The following BTNL2 variants were observed in gnomAD, a reference collection of about 807,000 sequenced individuals.
The protein encoded by BTNL2 is butyrophilin like 2, also known as butyrophilin-like protein 2.
BTNL2 carries 46 observed loss-of-function variants against 46.8 expected under a neutral mutation model. The ratio of observed to expected loss-of-function variants is 0.98; its 90% CI spans 0.78 to 1.26. The LOEUF is 1.26. BTNL2 is among the 50% of genes most tolerant of loss of function. The pLI is 0.00. For synonymous variants in BTNL2, 226 were observed against 229.1 expected (o/e 0.99, Z 0.12); for missense variants, 461 against 592.6 (o/e 0.78, Z 2.31).
In BTNL2 at chr6:32,393,457, G is replaced by T. The variant is rs1776245612; in HGVS notation, c.*7-68C>A. The T allele has an allele frequency of 6.5e-6, 1 of 152,752 alleles. No individual in the cohort carries two copies. Among genetic ancestry groups the T allele is most frequent in the Non-Finnish European group, 1.5e-5 (1 of 68,218 alleles). 9.5% of individuals were successfully genotyped at this position (152,752 alleles called of 1,614,324 possible). On this transcript the variant is annotated intron_variant, in intron 7 of 7. Transcript: ENST00000454136. The surrounding 1 kb of genome is among the most constrained non-coding windows in gnomAD (Gnocchi z 4.8). ...TTTCATTCTATTAACAGCCAAACAG[G>T]AAGACAAGTGTTTCACGGACATAAG...
At position 32,405,218 on chromosome 6, in the gene BTNL2, A is replaced by G. The variant is rs150942326; in HGVS notation, c.148T>C (p.Cys50Arg). 640 of 1,613,036 alleles carry G rather than the reference A, an allele frequency of 4.0e-4. 1 individual carries two copies. The African/African-American group carries it at 7.7e-3, about 20-fold the overall frequency. ...GTGGTCCTCTTGGGGAGTAGCTGGC[A>G]GGTTAACAGGGCATCTTCCCCAACC... Reference protein sequence around the residue: ...AGVGEDALLTCQLLPKRTTMH... With the variant: ...AGVGEDALLTRQLLPKRTTMH... Residue 50 changes from cysteine (C) to arginine (R), a missense_variant, in exon 2 of 8, where the codon TGC (cysteine) becomes CGC (arginine). Physicochemically the swap from Cys to Arg is radical, Grantham distance 180. Transcript: ENST00000454136.
chr6:32,395,988 A>T, intron 5 of BTNL2, 51 bp downstream of exon 5: 1 of 1,410,290 alleles, frequency 7.1e-7, no homozygotes, highest in Non-Finnish European at 9.8e-7. Context: ...CTAGCATATT[A>T]AAGTGGCAGG....
Position 32,394,696 on chromosome 6 carries a change from T to C in BTNL2, c.1360+48A>G. The C allele has an allele frequency of 1.3e-6, 2 of 1,560,852 alleles. No homozygotes were observed. The highest frequency in any genetic ancestry group is 1.7e-6 in the Non-Finnish European group (2 of 1,145,992). On this transcript the variant is annotated intron_variant, in intron 6 of 7. Coordinates refer to ENST00000454136, the MANE Select transcript of BTNL2 (RefSeq NM_001304561.2). This position sits in a 1 kb window ranked among gnomAD's most constrained non-coding sequence, Gnocchi z 4.6. Reference sequence around the variant, plus strand: ...AATACAATGAGTAAGTCTGAGTTGGTCTTCATATTTATTTTCCAAACCTGA... The same window carrying C: ...AATACAATGAGTAAGTCTGAGTTGGCCTTCATATTTATTTTCCAAACCTGA...
chr6:32,405,424 C>A, intron 1 of BTNL2, 138 bp from the exon 2 acceptor site: 1 of 872,286 alleles, frequency 1.1e-6, no homozygotes, highest in Non-Finnish European at 1.8e-6. Context: ...AGAAATCCAG[C>A]ATGATGATTT....
At position 32,395,075 on chromosome 6, in the gene BTNL2, T is replaced by C. The variant is rs923488782; in HGVS notation, c.1079-50A>G. ...CCTGGGGTCCTTTCAAGTGGATGAG[T>C]GGGCAGCAATTTCACTGGGAGGAAA... On this transcript the variant is annotated intron_variant, in intron 5 of 7. Transcript: ENST00000454136. 6 of 1,505,034 alleles carry C rather than the reference T, an allele frequency of 4.0e-6. No homozygotes were observed. The African/African-American group carries it at 5.6e-5, about 14-fold the overall frequency. 93.2% of individuals were successfully genotyped at this position (1,505,034 alleles called of 1,614,324 possible). A position where few individuals can be genotyped will look rare whatever the true frequency, so the allele number is the denominator to read the frequency against.
At position 32,399,854 on chromosome 6, in the gene BTNL2, G is replaced by A. The variant is rs117182873; in HGVS notation, c.730+1931C>T. On this transcript the variant is annotated intron_variant, in intron 4 of 7. Coordinates refer to ENST00000454136, the MANE Select transcript of BTNL2 (RefSeq NM_001304561.2). The surrounding 1 kb of genome is among the most constrained non-coding windows in gnomAD (Gnocchi z 5.2). ...ATTTCAGTCTTAGGACTTCCATAGA[G>A]AGCTGGGTGTCCCATCATTAGAGCT... is the stretch of plus-strand genomic sequence containing the variant. Among the ~76,000 whole-genome samples the A allele has an allele frequency of 0.018, 2,664 of 152,208 alleles. 75 individuals carry two copies. Among genetic ancestry groups the A allele is most frequent in the East Asian group, 0.11 (563 of 5,178 alleles).
At chr6:32,404,627 T>C (rs1777000766) in intron 2 of BTNL2, among the ~76,000 whole-genome samples, 2 of 152,210 alleles carry the variant, frequency 1.3e-5, no homozygotes, top group Admixed American at 1.3e-4. Flanking sequence ...CATGCAGCAA[T>C]TGGTTTGCTC....
chr6:32,402,989 A>G lies in BTNL2; in HGVS notation c.655T>C (p.Leu219=). The G allele has an allele frequency of 6.2e-7, 1 of 1,613,062 alleles. No individual in the cohort carries two copies. Among genetic ancestry groups the G allele is most frequent in the Non-Finnish European group, 8.5e-7 (1 of 1,180,026 alleles). The part of the protein sequence containing the change: ...RNASAESVSC[L]VHNPVLTEEK... ...TCAGTGAGGACGGGGTTGTGGACCA[A>G]GCAGGACACAGACTCTGCAGAGGCG... is the stretch of plus-strand genomic sequence containing the variant. The change falls in exon 3 of 8, where the codon TTG becomes CTG. Residue 219 remains leucine, a synonymous_variant. Transcript: ENST00000454136.
rs556453071 is a variant in BTNL2 at position 32,405,370 on chromosome 6, T to G, written c.80-84A>C. ...CTTTGGGGTGTCCAGCCTGTCAAAA[T>G]GGAGGCAACTAGAAGAGGGAGAGAT... On this transcript the variant is annotated intron_variant, in intron 1 of 7. Coordinates refer to ENST00000454136, the MANE Select transcript of BTNL2 (RefSeq NM_001304561.2). The G allele has an allele frequency of 1.2e-4, 146 of 1,225,288 alleles. No individual in the cohort carries two copies. In the African/African-American group the frequency reaches 1.9e-3, roughly 16 times the overall value. 75.9% of individuals were successfully genotyped at this position (1,225,288 alleles called of 1,614,324 possible). A position where few individuals can be genotyped will look rare whatever the true frequency, so the allele number is the denominator to read the frequency against.
In BTNL2 at chr6:32,403,067, T is replaced by C. The variant is rs1776887260; in HGVS notation, c.577A>G (p.Ile193Val). Residue 193 changes from isoleucine to valine, a missense_variant, in exon 3 of 8, where the codon ATC becomes GTC. Transcript: ENST00000454136. ...EKLLAVSEHR[I>V]QDKDGLFYAE... ...TAGAACAGGCCATCTTTATCTTGGA[T>C]GCGATGCTCAGACACGGCCAGCAGC... 1.2e-6 allele frequency: 2 copies of C among 1,612,898 alleles called. No individual in the cohort carries two copies. The highest frequency in any genetic ancestry group is 1.7e-6 in the Non-Finnish European group (2 of 1,179,936).
chr6:32,403,237 T>C, intron 2 of BTNL2, 21 bp from the exon 3 acceptor site: 1 of 1,581,072 alleles, frequency 6.3e-7, no homozygotes, highest in Non-Finnish European at 8.6e-7. Flanking sequence ...AAGCCACAGC[T>C]CTGACACCCA....
At chr6:32,403,895 T>C (rs1384850490) in intron 2 of BTNL2, 1 of 152,326 alleles carries the variant, frequency 6.6e-6, no homozygotes, top group Non-Finnish European at 1.5e-5. Flanking sequence ...AAGGGGACTA[T>C]ATTTTCCATA....
rs1562255444 is a variant in BTNL2, at chr6:32,401,855, G to A, written c.710-50C>T. 3 of 1,531,164 alleles carry A rather than the reference G, an allele frequency of 2.0e-6. No individual in the cohort carries two copies. The South Asian group carries it at 3.5e-5, about 18-fold the overall frequency. The allele number at this position is 1,531,164 out of a possible 1,614,324, so 94.8% of individuals were successfully genotyped here. ...ATTAAGGAATTTGGTGTAAGGGAAA[G>A]GAGAGAAACTATTTTTTAAAAAAGA... On this transcript the variant is annotated intron_variant, in intron 3 of 7. Coordinates refer to ENST00000454136, the MANE Select transcript of BTNL2 (RefSeq NM_001304561.2).
rs1776626255 is a variant in BTNL2 at position 32,399,455 on chromosome 6, C to G, written c.730+2330G>C. 6.6e-6 allele frequency among the ~76,000 whole-genome samples: 1 copy of G among 152,200 alleles called. No homozygotes were observed. The highest frequency in any genetic ancestry group is 1.5e-5 in the Non-Finnish European group (1 of 68,038). Reference sequence around the variant, plus strand: ...ATTTCTCAAATATGCTAAGTTATATCTAATCTCTTAGAACTGGACACTACA... The same window carrying G: ...ATTTCTCAAATATGCTAAGTTATATGTAATCTCTTAGAACTGGACACTACA... On this transcript the variant is annotated intron_variant, in intron 4 of 7. Coordinates refer to ENST00000454136, the MANE Select transcript of BTNL2 (RefSeq NM_001304561.2). This position sits in a 1 kb window ranked among gnomAD's most constrained non-coding sequence, Gnocchi z 5.2.
At position 32,393,972 on chromosome 6, in the gene BTNL2, GCTC is replaced by G; in HGVS notation, c.1443_1445del (p.Arg481del). On this transcript the variant is annotated inframe_deletion, in exon 7 of 8. Transcript: ENST00000454136. The surrounding 1 kb of genome is among the most constrained non-coding windows in gnomAD (Gnocchi z 4.8). ...TGTTTCCCTGACTTACCTCTTTTCA[GCTC>G]CTCTTCCTGGGCAGGCCTACAGCCA... 1 of 1,548,644 alleles carries G rather than the reference GCTC, an allele frequency of 6.5e-7. No individual in the cohort carries two copies. Among genetic ancestry groups the G allele is most frequent in the Non-Finnish European group, 8.7e-7 (1 of 1,145,708 alleles).
At position 32,396,267 on chromosome 6, in the gene BTNL2, G is replaced by A. The variant is rs36110770; in HGVS notation, c.850C>T (p.Arg284Ter). The A allele has an allele frequency of 9.9e-4, 1,598 of 1,612,990 alleles. 13 individuals are homozygous for A. The African/African-American group carries it at 0.018, about 18-fold the overall frequency. The change falls in exon 5 of 8, where the codon CGA becomes TGA. Residue 284 changes from arginine (R) to a stop codon, truncating the protein, a stop_gained. Transcript: ENST00000454136. LOFTEE classifies it high-confidence loss of function. This position sits in a 1 kb window ranked among gnomAD's most constrained non-coding sequence, Gnocchi z 4.4. Reference protein sequence around the residue: ...NAQSMEVRWDRSHRYPAVHVY... With the variant: ...NAQSMEVRWD ...TGCACAGCAGGGTAACGGTGGGATC[G>A]GTCCCACCTCACCTCCATGCTCTGT...
Position 32,407,049 on chromosome 6 carries a change from C to T in BTNL2, c.75G>A (p.Gln25=). The T allele has an allele frequency of 1.9e-6, 3 of 1,612,804 alleles. No homozygotes were observed. Among genetic ancestry groups the T allele is most frequent in the Non-Finnish European group, 2.5e-6 (3 of 1,179,832 alleles). ...SFLFILLTMK[Q]SEDFRVIGPA... ...AAAGGGAGAAGGGAATCCTACCTGA[C>T]TGCTTCATTGTCAGCAGGATGAATA... The change falls in exon 1 of 8, where the codon CAG becomes CAA. Residue 25 remains glutamine, a synonymous_variant. Transcript: ENST00000454136.
chr6:32,401,450 C>T (rs1282778334), intron 4 of BTNL2, among the ~76,000 whole-genome samples: 1 of 152,000 alleles, frequency 6.6e-6, no homozygotes, highest in Non-Finnish European at 1.5e-5. Flanking sequence ...CTCCAGGCCC[C>T]GGCCAGCTGT....
chr6:32,397,648 A>G (rs921675172), intron 4 of BTNL2, among the ~76,000 whole-genome samples: 4 of 152,220 alleles, frequency 2.6e-5, no homozygotes, highest in African/African-American at 4.8e-5. Context: ...CTATACAACT[A>G]CCAAAATCAT....
Sources: allele counts gnomAD v4.1 joint callset (sites outside exome capture counted in the v4.1 genomes callset), GRCh38; gene constraint gnomAD v4.1.1; non-coding constraint Gnocchi (gnomAD v3.1); transcripts MANE v1.5; gene names NCBI Gene and HGNC (gene_info 2026-07-23, HGNC 2026-07-21).